RIC8A: variants seen among roughly 807,000 people sequenced by gnomAD.
RIC8A encodes chaperone Ric-8A.
Under a neutral mutation model 48.4 loss-of-function variants are expected in RIC8A, and 37 were observed. That is an observed-to-expected ratio of 0.77 (90% CI 0.59 to 1.01). The LOEUF (loss-of-function observed/expected upper bound fraction) is 1.01, where lower values mean the gene tolerates loss of function less well. RIC8A is among the 50% of genes least tolerant of loss of function. The probability of loss-of-function intolerance (pLI) is 0.00; values close to 1 mark genes in which losing one functional copy is unlikely to be tolerated. For synonymous variants in RIC8A, 288 were observed against 283.4 expected (o/e 1.02, Z -0.16); for missense variants, 681 against 696.8 (o/e 0.98, Z 0.25).
Position 212,515 on chromosome 11 carries a change from T to C in RIC8A, c.1065+4T>C. 1 of 1,613,682 alleles carries C rather than the reference T, an allele frequency of 6.2e-7. No homozygotes were observed. The highest frequency in any genetic ancestry group is 8.5e-7 in the Non-Finnish European group (1 of 1,179,812). On this transcript the variant is annotated splice_donor_region_variant and intron_variant, in intron 6 of 9. Coordinates refer to ENST00000526104, the MANE Select transcript of RIC8A (RefSeq NM_001286134.2). The stretch of plus-strand genomic sequence containing the variant: ...CAGGAAGTTCCTGAAGGCCCAGGTA[T>C]AAGGCTGAGGAGCTGGTGCTCCTGG...
At chr11:209,126 G>A in intron 1 of RIC8A, 145 bp from the exon 2 acceptor site, 1 of 1,102,948 alleles carries the variant, frequency 9.1e-7, no homozygotes, top group Non-Finnish European at 1.4e-6. Flanking sequence ...TGGGTGGCAG[G>A]CGTGTAGGGA....
rs529458826 is a variant in RIC8A, at chr11:214,601, C to T, written c.*251C>T. 1 of 561,064 alleles carries T rather than the reference C, an allele frequency of 1.8e-6. No individual in the cohort carries two copies. The highest frequency in any genetic ancestry group is 2.6e-5 in the Admixed American group (1 of 38,192). 34.8% of individuals were successfully genotyped at this position (561,064 alleles called of 1,614,324 possible). A position where few individuals can be genotyped will look rare whatever the true frequency, so the allele number is the denominator to read the frequency against. ...TCGAATTCCACAGACGAAGTACTTTCTTTTGTCTGCGCCAAGAGGAATGTG... is the reference window on the plus strand; with the variant it reads ...TCGAATTCCACAGACGAAGTACTTTTTTTTGTCTGCGCCAAGAGGAATGTG... On this transcript the variant is annotated 3_prime_UTR_variant, in exon 10 of 10. Coordinates refer to ENST00000526104, the MANE Select transcript of RIC8A (RefSeq NM_001286134.2).
At chr11:210,198 C>A (rs575171867) in intron 3 of RIC8A, among the ~76,000 whole-genome samples, 198 bp downstream of exon 3, 1 of 152,254 alleles carries the variant, frequency 6.6e-6, no homozygotes, top group East Asian at 1.9e-4. Context: ...AAGTAGAGGC[C>A]CCTTCTGGCT....
intron 3 of RIC8A, 36 bp downstream of exon 3, chr11:210,036 C>A: frequency 6.6e-7 from 1 of 1,510,558 alleles, no homozygotes; most frequent in Non-Finnish European, 8.9e-7. Flanking sequence ...TGGGTCTCAA[C>A]TCAGCTCCAA....
At position 210,582 on chromosome 11, in the gene RIC8A, C is replaced by T. The variant is rs757908796; in HGVS notation, c.738C>T (p.Ala246=). 5 of 1,614,122 alleles carry T rather than the reference C, an allele frequency of 3.1e-6. No homozygotes were observed. Among genetic ancestry groups the T allele is most frequent in the Non-Finnish European group, 3.4e-6 (4 of 1,179,996 alleles). ...CTTTCTTTGGTCAGGAAGACGCTGC[C>T]CTTTACCGACACCTGGGGACCCTTC... The part of the protein sequence containing the change: ...IKGEVDEEDA[A]LYRHLGTLLR... The change falls in exon 4 of 10, where the codon GCC becomes GCT. Residue 246 remains alanine, a synonymous_variant. Transcript: ENST00000526104.
chr11:209,016 G>A, intron 1 of RIC8A, 78 bp downstream of exon 1: 1 of 1,296,154 alleles, frequency 7.7e-7, no homozygotes, highest in Non-Finnish European at 1.1e-6. Flanking sequence ...GGGAGGGCGT[G>A]GGTGAGGCAG....
rs1392031955 is a variant in RIC8A, at chr11:207,849, C to CA, written c.-1005dup. ...CGAGGAGCACTGGGTGTGGTGGGGG[C>CA]AGGGGTGCCTCCTCTGTCAAGTGGA... On this transcript the variant is annotated 5_prime_UTR_variant, in exon 1 of 10. The change abolishes the stop of an existing upstream ORF in the 5' untranslated region. Coordinates refer to ENST00000526104, the MANE Select transcript of RIC8A (RefSeq NM_001286134.2). The CA allele has an allele frequency of 1.3e-5, 2 of 154,216 alleles. No individual in the cohort carries two copies. The highest frequency in any genetic ancestry group is 4.8e-5 in the African/African-American group (2 of 41,486). The allele number at this position is 154,216 out of a possible 1,614,324, so 9.6% of individuals were successfully genotyped here. A position where few individuals can be genotyped will look rare whatever the true frequency, so the allele number is the denominator to read the frequency against.
rs1163828016 is a variant in RIC8A, at chr11:210,560, T to G, written c.727-11T>G. The G allele has an allele frequency of 2.5e-6, 4 of 1,613,628 alleles. No homozygotes were observed. The highest frequency in any genetic ancestry group is 3.4e-6 in the Non-Finnish European group (4 of 1,179,610). ...GGGGCTCCTCACAGGAACCCTTCTT[T>G]CTTTGGTCAGGAAGACGCTGCCCTT... On this transcript the variant is annotated splice_polypyrimidine_tract_variant and intron_variant, in intron 3 of 9. Transcript: ENST00000526104.
chr11:209,146 G>C, intron 1 of RIC8A, 125 bp from the exon 2 acceptor site: 1 of 1,234,850 alleles, frequency 8.1e-7, no homozygotes, highest in Non-Finnish European at 1.2e-6. Flanking sequence ...ATGGGGGCGA[G>C]TGCCGACCCT....
chr11:209,079 G>C lies in RIC8A; in HGVS notation c.84+141G>C, dbSNP rs1053178345. ...CGGCGGGGTGCGGGGGGCAGGTCTGGGATGCAGTGTTGCGGGGAGAGTGGG... is the reference window on the plus strand; with the variant it reads ...CGGCGGGGTGCGGGGGGCAGGTCTGCGATGCAGTGTTGCGGGGAGAGTGGG... On this transcript the variant is annotated intron_variant, in intron 1 of 9. Coordinates refer to ENST00000526104, the MANE Select transcript of RIC8A (RefSeq NM_001286134.2). 2.2e-4 allele frequency: 229 copies of C among 1,043,064 alleles called. 1 individual carries two copies. Among genetic ancestry groups the C allele is most frequent in the Admixed American group, 5.9e-4 (33 of 55,898 alleles). 64.6% of individuals were successfully genotyped at this position (1,043,064 alleles called of 1,614,324 possible).
intron 9 of RIC8A, chr11:213,901 T>G (rs1855451004): frequency 3.1e-6 from 1 of 325,344 alleles, no homozygotes; most frequent in African/African-American, 2.2e-5. Flanking sequence ...GAGCTGACAT[T>G]GTGCCACCGC....
chr11:208,790 C>T lies in RIC8A; in HGVS notation c.-65C>T, dbSNP rs1590072739. Reference sequence around the variant, plus strand: ...TGGCGCGGGGCTTTCTGGGCCAGGGCGGGGCCGGCGAACTGCGGCCCGGAA... The same window carrying T: ...TGGCGCGGGGCTTTCTGGGCCAGGGTGGGGCCGGCGAACTGCGGCCCGGAA... On this transcript the variant is annotated 5_prime_UTR_variant, in exon 1 of 10. Transcript: ENST00000526104. The surrounding 1 kb of genome is among the most constrained non-coding windows in gnomAD (Gnocchi z 4.8). 3 of 1,391,786 alleles carry T rather than the reference C, an allele frequency of 2.2e-6. No individual in the cohort carries two copies. Among genetic ancestry groups the T allele is most frequent in the East Asian group, 2.6e-5 (1 of 38,822 alleles). The allele number at this position is 1,391,786 out of a possible 1,614,324, so 86.2% of individuals were successfully genotyped here. A position where few individuals can be genotyped will look rare whatever the true frequency, so the allele number is the denominator to read the frequency against.
chr11:210,704 G>A, intron 4 of RIC8A, 42 bp downstream of exon 4: 2 of 1,577,672 alleles, frequency 1.3e-6, no homozygotes, highest in Non-Finnish European at 1.7e-6. Flanking sequence ...GTGCCCACAT[G>A]TCTAGATGGT....
In RIC8A at chr11:211,432, T is replaced by C. The variant is rs1855354583; in HGVS notation, c.969+83T>C. ...ACAGATGTGGTCAGTGCTTCCACAC[T>C]GTCCACACTGGTACGTGGAGATTGT... On this transcript the variant is annotated intron_variant, in intron 5 of 9. Transcript: ENST00000526104. This position sits in a 1 kb window ranked among gnomAD's most constrained non-coding sequence, Gnocchi z 4.0. 1 of 1,384,916 alleles carries C rather than the reference T, an allele frequency of 7.2e-7. No homozygotes were observed. Among genetic ancestry groups the C allele is most frequent in the South Asian group, 1.3e-5 (1 of 74,976 alleles). 85.8% of individuals were successfully genotyped at this position (1,384,916 alleles called of 1,614,324 possible). A position where few individuals can be genotyped will look rare whatever the true frequency, so the allele number is the denominator to read the frequency against.
Position 211,457 on chromosome 11 carries a change from T to C in RIC8A, c.969+108T>C. The C allele has an allele frequency of 8.0e-7, 1 of 1,253,218 alleles. No individual in the cohort carries two copies. Among genetic ancestry groups the C allele is most frequent in the Non-Finnish European group, 1.1e-6 (1 of 919,274 alleles). The allele number at this position is 1,253,218 out of a possible 1,614,324, so 77.6% of individuals were successfully genotyped here. A position where few individuals can be genotyped will look rare whatever the true frequency, so the allele number is the denominator to read the frequency against. On this transcript the variant is annotated intron_variant, in intron 5 of 9. Transcript: ENST00000526104. This position sits in a 1 kb window ranked among gnomAD's most constrained non-coding sequence, Gnocchi z 4.0. Reference sequence around the variant, plus strand: ...TGTCCACACTGGTACGTGGAGATTGTCTTGGTGGTGTGATATGGGCGACTC... The same window carrying C: ...TGTCCACACTGGTACGTGGAGATTGCCTTGGTGGTGTGATATGGGCGACTC...
At chr11:213,133 C>G (rs1855410324) in intron 8 of RIC8A, 152 bp downstream of exon 8, 19 of 1,367,468 alleles carry the variant, frequency 1.4e-5, no homozygotes, top group Non-Finnish European at 1.9e-5. Flanking sequence ...ATCTGGGATA[C>G]CAGAAGGTGG....
chr11:210,640 G>C lies in RIC8A; in HGVS notation c.796G>C (p.Asp266His), dbSNP rs765590900. 2 of 1,614,148 alleles carry C rather than the reference G, an allele frequency of 1.2e-6. No individual in the cohort carries two copies. Among genetic ancestry groups the C allele is most frequent in the Non-Finnish European group, 1.7e-6 (2 of 1,180,016 alleles). The change falls in exon 4 of 10, where the codon GAC becomes CAC. Residue 266 changes from aspartate to histidine, a missense_variant. Asp to His is a moderately conservative substitution (Grantham distance 81). Coordinates refer to ENST00000526104, the MANE Select transcript of RIC8A (RefSeq NM_001286134.2). Reference protein sequence around the residue: ...RHCVMIATAGDRTEEFHGHAV... With the variant: ...RHCVMIATAGHRTEEFHGHAV... ...CTGTGTGATGATCGCTACTGCTGGA[G>C]ACCGCACAGAGGAGTTCCACGGGTG...
intron 5 of RIC8A, chr11:212,044 G>C (rs764118107): frequency 1.1e-5 from 3 of 275,502 alleles, no homozygotes; most frequent in South Asian, 7.9e-5. Flanking sequence ...TTCGGTTCTC[G>C]TTTCTTTTTG....
rs1855270572 is a variant in RIC8A at position 209,005 on chromosome 11, A to T, written c.84+67A>T. 5 of 1,353,370 alleles carry T rather than the reference A, an allele frequency of 3.7e-6. No individual in the cohort carries two copies. In the East Asian group the frequency reaches 1.2e-4, roughly 34 times the overall value. 83.8% of individuals were successfully genotyped at this position (1,353,370 alleles called of 1,614,324 possible). The stretch of plus-strand genomic sequence containing the variant: ...TGGGGCAGGGTCGTGCGCGGGTAGC[A>T]GGGAGGGCGTGGGTGAGGCAGAGGC... On this transcript the variant is annotated intron_variant, in intron 1 of 9. Transcript: ENST00000526104.
Sources: allele counts gnomAD v4.1 joint callset (sites outside exome capture counted in the v4.1 genomes callset), GRCh38; gene constraint gnomAD v4.1.1; non-coding constraint Gnocchi (gnomAD v3.1); transcripts MANE v1.5; gene names NCBI Gene and HGNC (gene_info 2026-07-23, HGNC 2026-07-21).